The following CHMP3 variants were observed in gnomAD, a reference collection of about 807,000 sequenced individuals.
The protein encoded by CHMP3 is 25.1 protein.
CHMP3 carries 8 observed loss-of-function variants against 27.4 expected under a neutral mutation model. The observed-to-expected ratio is 0.29, with a 90% CI of 0.17 to 0.53. The LOEUF is 0.53. Among genes scored for constraint, CHMP3 ranks in the 20% least tolerant of loss-of-function variants. The pLI, the probability that CHMP3 is intolerant of heterozygous loss-of-function variation, is 0.96. For missense variants in CHMP3, 208 were observed against 271.5 expected (o/e 0.77, Z 1.64); for synonymous variants, 86 against 85.5 (o/e 1.01, Z -0.03).
At chr2:86,522,491 T>C (rs1675554705) in intron 3 of CHMP3, among the ~76,000 whole-genome samples, 1 of 152,168 alleles carries the variant, frequency 6.6e-6, no homozygotes, top group African/African-American at 2.4e-5. Flanking sequence ...GTGAACCAAA[T>C]AGCCACTGAT....
intron 2 of CHMP3, among the ~76,000 whole-genome samples, chr2:86,538,623 T>C (rs1392300615): frequency 6.6e-6 from 1 of 152,192 alleles, no homozygotes; most frequent in East Asian, 1.9e-4. Context: ...CATTTTCACA[T>C]GTGTATAACT....
intron 2 of CHMP3, among the ~76,000 whole-genome samples, chr2:86,537,393 AC>A (rs1346345539): frequency 1.3e-5 from 2 of 152,024 alleles, no homozygotes; most frequent in Non-Finnish European, 2.9e-5. Context: ...AACTTAATCC[AC>A]CTTTTCCTTT....
At chr2:86,532,476 A>G (rs1439596275) in intron 2 of CHMP3, among the ~76,000 whole-genome samples, 1 of 152,146 alleles carries the variant, frequency 6.6e-6, no homozygotes, top group Non-Finnish European at 1.5e-5. Flanking sequence ...ATCGTGTTAA[A>G]GAGAAGTGGC....
At chr2:86,541,670 C>T (rs1164800736) in intron 2 of CHMP3, among the ~76,000 whole-genome samples, 1 of 152,102 alleles carries the variant, frequency 6.6e-6, no homozygotes, top group Non-Finnish European at 1.5e-5. Flanking sequence ...TTCTCTCTTG[C>T]TTTGTCCAAA....
At position 86,529,342 on chromosome 2, in the gene CHMP3, CT is replaced by C. The variant is rs1558650967; in HGVS notation, c.161del (p.Lys54ArgfsTer8). The C allele has an allele frequency of 6.2e-7, 1 of 1,611,604 alleles. No individual in the cohort carries two copies. The highest frequency in any genetic ancestry group is 1.7e-5 in the Admixed American group (1 of 59,360). ...VKRSVKDAAK[K>X]GQKDVCIVLA... Reference sequence around the variant, plus strand: ...GAACTATGCAGACATCCTTCTGGCCCTTCTTGGCAGCATCTTTCACAGATCG... The same window carrying C: ...GAACTATGCAGACATCCTTCTGGCCCTCTTGGCAGCATCTTTCACAGATCG... On this transcript the variant is annotated frameshift_variant, in exon 3 of 6. Coordinates refer to ENST00000263856, the MANE Select transcript of CHMP3 (RefSeq NM_016079.4). LOFTEE classifies it high-confidence loss of function.
chr2:86,541,471 G>A (rs886526731), intron 2 of CHMP3: 1 of 152,016 alleles, frequency 6.6e-6, no homozygotes, highest in Non-Finnish European at 1.5e-5. Context: ...TCTCAACCCA[G>A]TGAAACCACT....
rs1326472270 is a variant in CHMP3 at position 86,542,079 on chromosome 2, ATC to A, written c.106+171_106+172del. On this transcript the variant is annotated intron_variant, in intron 2 of 5. Coordinates refer to ENST00000263856, the MANE Select transcript of CHMP3 (RefSeq NM_016079.4). ...AATATAAAGTTTCTTCTAACTCATT[ATC>A]TTTTTTTAATACTGATTACAGAATT... Among the ~76,000 whole-genome samples the A allele has an allele frequency of 3.3e-5, 5 of 152,174 alleles. 1 individual carries two copies. Among genetic ancestry groups the A allele is most frequent in the Non-Finnish European group, 7.4e-5 (5 of 67,990 alleles).
intron 5 of CHMP3, chr2:86,507,182 T>C (rs987034911): frequency 2.6e-5 from 6 of 232,092 alleles, no homozygotes; most frequent in Admixed American, 5.4e-5. Flanking sequence ...GGCTTTTGAA[T>C]GGCTATGGCC....
At chr2:86,552,947 T>C (rs567808223) in intron 1 of CHMP3, among the ~76,000 whole-genome samples, 1 of 149,826 alleles carries the variant, frequency 6.7e-6, no homozygotes, top group Non-Finnish European at 1.5e-5. Context: ...TAAGTGGGAG[T>C]TGAATGATGA....
chr2:86,534,682 T>C (rs1234456078), intron 2 of CHMP3, among the ~76,000 whole-genome samples: 1 of 152,264 alleles, frequency 6.6e-6, no homozygotes, highest in African/African-American at 2.4e-5. Flanking sequence ...TATTATCTTC[T>C]TGCTGTATTT....
intron 1 of CHMP3, among the ~76,000 whole-genome samples, chr2:86,553,560 G>A (rs959269336): frequency 7.9e-5 from 12 of 152,088 alleles, no homozygotes; most frequent in African/African-American, 1.4e-4. Flanking sequence ...TCAATCTCCC[G>A]ACCTCATGTT....
intron 3 of CHMP3, among the ~76,000 whole-genome samples, chr2:86,520,335 G>T (rs1027894504): frequency 7.9e-5 from 12 of 152,232 alleles, no homozygotes; most frequent in Middle Eastern, 6.8e-3. Flanking sequence ...ATGGTGGAAG[G>T]CAAAGGGGAA....
intron 5 of CHMP3, among the ~76,000 whole-genome samples, chr2:86,506,506 G>A (rs4832293): frequency 0.8 from 121,148 of 152,118 alleles, 48,613 homozygotes; most frequent in East Asian, 0.96. Context: ...TTATTCACAT[G>A]TTGTAAACAT....
At chr2:86,514,987 A>T (rs1211082177) in intron 3 of CHMP3, among the ~76,000 whole-genome samples, 2 of 152,188 alleles carry the variant, frequency 1.3e-5, no homozygotes, top group African/African-American at 4.8e-5. Flanking sequence ...CAAAGATCAA[A>T]GTAACACAGA....
chr2:86,527,477 T>C (rs2103939059), intron 3 of CHMP3, among the ~76,000 whole-genome samples: 1 of 152,208 alleles, frequency 6.6e-6, no homozygotes, highest in Non-Finnish European at 1.5e-5. Flanking sequence ...GCAGGAAAAA[T>C]TGAGAATCAA....
chr2:86,542,393 C>A (rs1676402374), intron 1 of CHMP3, 81 bp from the exon 2 acceptor site: 2 of 1,312,150 alleles, frequency 1.5e-6, no homozygotes, highest in South Asian at 2.5e-5. Flanking sequence ...TGTATTAACT[C>A]CACATTTATT....
intron 1 of CHMP3, chr2:86,561,908 G>A (rs1677385332): frequency 6.6e-6 from 1 of 152,080 alleles, no homozygotes; most frequent in Non-Finnish European, 1.5e-5. Context: ...TTTACGAATG[G>A]CAATGCCAAG....
At chr2:86,511,239 T>TAG (rs1170257090) in intron 3 of CHMP3, 1 of 151,846 alleles carries the variant, frequency 6.6e-6, no homozygotes, top group African/African-American at 2.4e-5. Context: ...AAACCAGGAG[T>TAG]CACTACAGGT....
At chr2:86,534,897 A>C (rs1262511806) in intron 2 of CHMP3, among the ~76,000 whole-genome samples, 1 of 152,188 alleles carries the variant, frequency 6.6e-6, no homozygotes, top group Non-Finnish European at 1.5e-5. Context: ...TTTAAATATA[A>C]TATTATGTTT....
Sources: allele counts gnomAD v4.1 joint callset (sites outside exome capture counted in the v4.1 genomes callset), GRCh38; gene constraint gnomAD v4.1.1; transcripts MANE v1.5; gene names NCBI Gene and HGNC (gene_info 2026-07-23, HGNC 2026-07-21).